The following RBFOX1 variants were observed in gnomAD, a reference collection of about 807,000 sequenced individuals.
RBFOX1 encodes the protein RNA binding fox-1 homolog 1.
In RBFOX1, 8 loss-of-function variants were observed where a neutral mutation model predicts 57.7. The ratio of observed to expected loss-of-function variants is 0.14; its 90% CI spans 0.08 to 0.25. The LOEUF (loss-of-function observed/expected upper bound fraction) is 0.25. Among genes scored for constraint, RBFOX1 ranks in the 10% least tolerant of loss-of-function variants. The pLI is 1.00. For synonymous variants in RBFOX1, 326 were observed against 222.4 expected (o/e 1.47, Z -4.15); for missense variants, 611 against 548.5 (o/e 1.11, Z -1.14).
At chr16:6,537,703 G>C (rs1209765328) in intron 2 of RBFOX1, among the ~76,000 whole-genome samples, 1 of 152,090 alleles carries the variant, frequency 6.6e-6, no homozygotes, top group Admixed American at 6.5e-5. Flanking sequence ...AATATTAATT[G>C]AGTTCCTTAG....
chr16:5,267,807 C>T (rs111834165), intron 1 of RBFOX1, among the ~76,000 whole-genome samples: 24 of 152,136 alleles, frequency 1.6e-4, no homozygotes, highest in African/African-American at 4.3e-4. Context: ...TGAGGTCAGG[C>T]ATGGTGGCTT....
At chr16:6,831,258 C>G (rs561372166) in intron 3 of RBFOX1, among the ~76,000 whole-genome samples, 2 of 152,320 alleles carry the variant, frequency 1.3e-5, no homozygotes, top group East Asian at 1.9e-4. Context: ...TAACTCTATT[C>G]TTGGCTCACC....
rs74010424 is a variant in RBFOX1 at position 6,987,746 on chromosome 16, C to T, written c.-15-64311C>T. Among the ~76,000 whole-genome samples the T allele has an allele frequency of 8.8e-3, 1,342 of 152,270 alleles. 23 individuals carry two copies. The highest frequency in any genetic ancestry group is 0.03 in the African/African-American group (1,267 of 41,564). ...CCACAGTTTATTCACCTGTGTGGTG[C>T]CTCTTGCAGATAGCAGAGGGGAGGA... On this transcript the variant is annotated intron_variant, in intron 3 of 15. Coordinates refer to ENST00000550418, the MANE Select transcript of RBFOX1 (RefSeq NM_018723.4).
rs1485131819 is a variant in RBFOX1 at position 7,713,139 on chromosome 16, C to G, written c.*2394C>G. On this transcript the variant is annotated 3_prime_UTR_variant, in exon 16 of 16. Transcript: ENST00000550418. Reference sequence around the variant, plus strand: ...GGAATGTTTTCATTTATCTAAATAACTATTGCTATTATGAATTATGGAAAA... The same window carrying G: ...GGAATGTTTTCATTTATCTAAATAAGTATTGCTATTATGAATTATGGAAAA... The G allele has an allele frequency of 6.6e-6, 1 of 152,142 alleles. No homozygotes were observed. Among genetic ancestry groups the G allele is most frequent in the Non-Finnish European group, 1.5e-5 (1 of 68,034 alleles). 9.4% of individuals were successfully genotyped at this position (152,142 alleles called of 1,614,324 possible). A position where few individuals can be genotyped will look rare whatever the true frequency, so the allele number is the denominator to read the frequency against.
downstream of RBFOX1, chr16:5,601,686 A>C (rs1191137358): frequency 6.6e-6 from 1 of 152,270 alleles, no homozygotes; most frequent in Admixed American, 6.5e-5. Context: ...AAACAAAGAT[A>C]CTAAACACAT....
chr16:6,574,230 G>A (rs545607383), intron 2 of RBFOX1, among the ~76,000 whole-genome samples: 6 of 152,078 alleles, frequency 3.9e-5, no homozygotes, highest in African/African-American at 1.4e-4. Flanking sequence ...TGTAAAGTGG[G>A]CTCCAGCATA....
At chr16:5,554,782 G>T (rs1239302230) in intron 2 of RBFOX1, among the ~76,000 whole-genome samples, 1 of 152,158 alleles carries the variant, frequency 6.6e-6, no homozygotes, top group African/African-American at 2.4e-5. Flanking sequence ...TGACACTGGT[G>T]GATGATGGAT....
At position 5,946,564 on chromosome 16, in the gene RBFOX1, A is replaced by T. The variant is rs773026357; in HGVS notation, c.351+79229A>T. Reference sequence around the variant, plus strand: ...CTCACTCTATGCATATTTTTTTCCAACTGGGTGTTCCTGAGTTATATCCTT... The same window carrying T: ...CTCACTCTATGCATATTTTTTTCCATCTGGGTGTTCCTGAGTTATATCCTT... On this transcript the variant is annotated intron_variant, in intron 4 of 19. Coordinates refer to the RBFOX1 transcript ENST00000641259. This position sits in a 1 kb window ranked among gnomAD's most constrained non-coding sequence, Gnocchi z 4.6. 1.3e-5 allele frequency among the ~76,000 whole-genome samples: 2 copies of T among 151,990 alleles called. No homozygotes were observed. Among genetic ancestry groups the T allele is most frequent in the African/African-American group, 2.4e-5 (1 of 41,392 alleles).
At chr16:5,738,290 ATG>A (rs1188301815) in intron 3 of RBFOX1, among the ~76,000 whole-genome samples, 1 of 81,068 alleles carries the variant, frequency 1.2e-5, no homozygotes, top group Admixed American at 1.5e-4. Flanking sequence ...TAACGTCTCT[ATG>A]TGTTAGGTAT....
intron 4 of RBFOX1, among the ~76,000 whole-genome samples, chr16:5,924,286 A>G (rs540991514): frequency 2.6e-5 from 4 of 152,280 alleles, no homozygotes; most frequent in Non-Finnish European, 5.9e-5. Context: ...AGAATGGACT[A>G]ATACACCTAC....
intron 3 of RBFOX1, among the ~76,000 whole-genome samples, chr16:6,977,646 T>C (rs1383853659): frequency 6.6e-6 from 1 of 152,154 alleles, no homozygotes; most frequent in Non-Finnish European, 1.5e-5. Flanking sequence ...GCTGGTCATC[T>C]CTTTAGCTCT....
chr16:7,363,068 C>T (rs184178257), intron 4 of RBFOX1, among the ~76,000 whole-genome samples: 34 of 152,286 alleles, frequency 2.2e-4, no homozygotes, highest in Non-Finnish European at 2.1e-4. Context: ...GGGCCTGGAT[C>T]ATTGAGAGCA....
At chr16:6,279,230 G>T (rs2076136692) in intron 1 of RBFOX1, among the ~76,000 whole-genome samples, 1 of 152,110 alleles carries the variant, frequency 6.6e-6, no homozygotes, top group Non-Finnish European at 1.5e-5. Flanking sequence ...ATTATGTTAG[G>T]ATTAGTCTGG....
At chr16:6,100,593 C>G (rs943846904) in intron 1 of RBFOX1, among the ~76,000 whole-genome samples, 1 of 152,148 alleles carries the variant, frequency 6.6e-6, no homozygotes, top group African/African-American at 2.4e-5. Context: ...TTTGGATTCT[C>G]TTTTTTTGTC....
chr16:6,896,692 C>G lies in RBFOX1; in HGVS notation c.-15-155365C>G, dbSNP rs140777436. Among the ~76,000 whole-genome samples, 3 of 152,246 alleles carry G rather than the reference C, an allele frequency of 2.0e-5. No individual in the cohort carries two copies. In the South Asian group the frequency reaches 6.2e-4, roughly 32 times the overall value. On this transcript the variant is annotated intron_variant, in intron 3 of 15. Transcript: ENST00000550418. Reference sequence around the variant, plus strand: ...AACGCCATATAAGTGCTGCTGTGGTCATTGTGTTAGAAAAGTGCCCGGTAA... The same window carrying G: ...AACGCCATATAAGTGCTGCTGTGGTGATTGTGTTAGAAAAGTGCCCGGTAA...
chr16:7,674,400 A>T (rs2072615059), intron 13 of RBFOX1, among the ~76,000 whole-genome samples: 1 of 152,188 alleles, frequency 6.6e-6, no homozygotes, highest in Non-Finnish European at 1.5e-5. Context: ...CATTTACTAG[A>T]AGTAGCTACT....
intron 4 of RBFOX1, among the ~76,000 whole-genome samples, chr16:7,414,669 G>C (rs886758626): frequency 6.6e-6 from 1 of 152,118 alleles, no homozygotes; most frequent in Admixed American, 6.5e-5. Flanking sequence ...CCAGGCTGGA[G>C]TGTGGTGATG....
intron 3 of RBFOX1, among the ~76,000 whole-genome samples, chr16:6,920,954 G>T (rs1000401006): frequency 6.6e-6 from 1 of 152,184 alleles, no homozygotes; most frequent in Non-Finnish European, 1.5e-5. Flanking sequence ...AGTCTGTAAT[G>T]ACTATCAGAG....
At position 7,127,010 on chromosome 16, in the gene RBFOX1, C is replaced by CAAAA. The variant is rs4035897; in HGVS notation, c.27+74928_27+74931dup. ...GGCGTGACAGAGCGAGAATCCGTCTCAAAAAAAAAAAAAAAAAAATTATTG... is the reference window on the plus strand; with the variant it reads ...GGCGTGACAGAGCGAGAATCCGTCTCAAAAAAAAAAAAAAAAAAAAAAATTATTG... On this transcript the variant is annotated intron_variant, in intron 4 of 15. Transcript: ENST00000550418. 2.2e-3 allele frequency among the ~76,000 whole-genome samples: 286 copies of CAAAA among 129,146 alleles called. 3 individuals are homozygous for CAAAA. Among genetic ancestry groups the CAAAA allele is most frequent in the Middle Eastern group, 0.02 (5 of 244 alleles). 84.7% of individuals were successfully genotyped at this position (129,146 alleles called of 152,430 possible). A position where few individuals can be genotyped will look rare whatever the true frequency, so the allele number is the denominator to read the frequency against.
Sources: gnomAD v4.1 joint callset for allele counts (sites outside exome capture counted in the v4.1 genomes callset) on GRCh38, gnomAD v4.1.1 for gene constraint, Gnocchi (gnomAD v3.1) non-coding constraint, MANE v1.5 for transcripts, NCBI Gene and HGNC (gene_info 2026-07-23, HGNC 2026-07-21) for gene names.